The following TANC2 variants were observed in gnomAD, a reference collection of about 807,000 sequenced individuals.
TANC2 encodes protein TANC2.
Under a neutral mutation model 210.5 loss-of-function variants are expected in TANC2, and 26 were observed. The ratio of observed to expected loss-of-function variants is 0.12; its 90% confidence interval spans 0.09 to 0.17. The LOEUF (loss-of-function observed/expected upper bound fraction) is 0.17. Among genes scored for constraint, TANC2 ranks in the 10% least tolerant of loss-of-function variants. The pLI, the probability that TANC2 is intolerant of heterozygous loss-of-function variation, is 1.00. For synonymous variants in TANC2, 931 were observed against 967.1 expected (o/e 0.96, Z 0.69); for missense variants, 2,129 against 2,608.9 (o/e 0.82, Z 4.01).
At chr17:63,090,176 A>G (rs758763565) in intron 3 of TANC2, among the ~76,000 whole-genome samples, 6 of 150,498 alleles carry the variant, frequency 4.0e-5, no homozygotes, top group South Asian at 4.2e-4. Context: ...GCCATGTAGT[A>G]TATAGTCTTT....
At chr17:63,199,228 A>G (rs760914208) in intron 6 of TANC2, among the ~76,000 whole-genome samples, 20 of 152,188 alleles carry the variant, frequency 1.3e-4, no homozygotes, top group Non-Finnish European at 2.4e-4. Flanking sequence ...TTTGTAAAGA[A>G]GTTGAAAGGC....
intron 5 of TANC2, among the ~76,000 whole-genome samples, chr17:63,189,858 G>A (rs1469211332): frequency 6.6e-6 from 1 of 152,112 alleles, no homozygotes; most frequent in African/African-American, 2.4e-5. Flanking sequence ...TTACTACCAT[G>A]TTTTCTTCTA....
At chr17:62,995,638 A>G (rs2033072452) in intron 1 of TANC2, among the ~76,000 whole-genome samples, 2 of 152,232 alleles carry the variant, frequency 1.3e-5, no homozygotes, top group African/African-American at 2.4e-5. Context: ...CAGTGCTTGT[A>G]CTACATACAA....
At chr17:63,352,228 T>C (rs921378248) in intron 13 of TANC2, among the ~76,000 whole-genome samples, 1 of 152,178 alleles carries the variant, frequency 6.6e-6, no homozygotes, top group Non-Finnish European at 1.5e-5. Context: ...TCTCACTATT[T>C]GGATGCAGCC....
intron 4 of TANC2, among the ~76,000 whole-genome samples, chr17:63,106,588 A>C (rs2037832884): frequency 6.6e-6 from 1 of 151,660 alleles, no homozygotes; most frequent in Admixed American, 6.6e-5. Flanking sequence ...CGTGAGGACA[A>C]GGCCCACGCA....
chr17:63,124,321 G>C (rs1466498129), intron 4 of TANC2, among the ~76,000 whole-genome samples: 1 of 152,054 alleles, frequency 6.6e-6, no homozygotes, highest in Non-Finnish European at 1.5e-5. Context: ...CAAATGAGAT[G>C]AATAAGGAGC....
intron 3 of TANC2, among the ~76,000 whole-genome samples, chr17:63,094,480 T>C (rs1184457818): frequency 6.6e-6 from 1 of 152,150 alleles, no homozygotes; most frequent in Admixed American, 6.6e-5. Context: ...AACTGAAAAA[T>C]TCACCAATGA....
At chr17:63,242,759 T>A (rs1377669075) in intron 8 of TANC2, among the ~76,000 whole-genome samples, 1 of 152,148 alleles carries the variant, frequency 6.6e-6, no homozygotes, top group Non-Finnish European at 1.5e-5. Context: ...GGTGAATGGA[T>A]AAACAATTGT....
intron 14 of TANC2, among the ~76,000 whole-genome samples, chr17:63,358,869 G>A (rs1465557360): frequency 6.6e-6 from 1 of 151,740 alleles, no homozygotes; most frequent in Non-Finnish European, 1.5e-5. Flanking sequence ...TATCGCTTTA[G>A]GCTCGCCCTG....
intron 10 of TANC2, among the ~76,000 whole-genome samples, chr17:63,317,147 T>C (rs1482253319): frequency 1.3e-5 from 2 of 152,050 alleles, no homozygotes; most frequent in Non-Finnish European, 2.9e-5. Flanking sequence ...TTTCTCTGCA[T>C]CATCTGTCAT....
At chr17:63,383,825 G>A (rs533604880) in intron 15 of TANC2, among the ~76,000 whole-genome samples, 92 of 152,110 alleles carry the variant, frequency 6.0e-4, no homozygotes, top group African/African-American at 1.9e-3. Context: ...CATTCCCACC[G>A]GCAGCGACTG....
chr17:63,063,759 G>A (rs1448784145), intron 2 of TANC2, among the ~76,000 whole-genome samples: 1 of 151,236 alleles, frequency 6.6e-6, no homozygotes, highest in Non-Finnish European at 1.5e-5. Context: ...CTTGTTCCTG[G>A]GTAGTTGTTT....
chr17:63,056,939 A>G (rs549542278), intron 2 of TANC2, among the ~76,000 whole-genome samples: 13 of 151,526 alleles, frequency 8.6e-5, no homozygotes, highest in Admixed American at 3.9e-4. Context: ...GGAAATGTCT[A>G]TGTTTTATTG....
At chr17:63,318,372 C>T (rs567077476) in intron 10 of TANC2, among the ~76,000 whole-genome samples, 1 of 152,170 alleles carries the variant, frequency 6.6e-6, no homozygotes, top group Non-Finnish European at 1.5e-5. Context: ...CCATTTAAAG[C>T]GTTCAACTCA....
At chr17:63,422,771 G>T (rs2049057433) in exon 28 of TANC2, 1 of 152,152 alleles carries the variant, frequency 6.6e-6, no homozygotes, top group Non-Finnish European at 1.5e-5. Context: ...GCTTTTCCAG[G>T]GTGGGGGAGG....
Position 63,418,333 on chromosome 17 carries a change from T to A in TANC2, c.4194T>A (p.Ala1398=). ...ATTTTGGAATGGCGGAGGAATTTGC[T>A]ACTAAGGCCCTGGAGCTGAAACCGA... is the stretch of plus-strand genomic sequence containing the variant. The change falls in exon 27 of 28, where the codon GCT becomes GCA. Residue 1398 remains alanine (A), a synonymous_variant. Transcript: ENST00000689528. This position sits in a 1 kb window ranked among gnomAD's most constrained non-coding sequence, Gnocchi z 4.6. 1 of 1,613,498 alleles carries A rather than the reference T, an allele frequency of 6.2e-7. No individual in the cohort carries two copies. The highest frequency in any genetic ancestry group is 2.2e-5 in the East Asian group (1 of 44,880).
Position 62,967,274 on chromosome 17 carries a change from G to A in TANC2, c.-24+525G>A, listed in dbSNP as rs182494256. ...GCTAGATATTTTGCCATAGGAAATCGGGAGGAGCTATGATAAGCTATTTTT... is the reference window on the plus strand; with the variant it reads ...GCTAGATATTTTGCCATAGGAAATCAGGAGGAGCTATGATAAGCTATTTTT... On this transcript the variant is annotated intron_variant, in intron 1 of 27. Coordinates refer to ENST00000689528, the Ensembl canonical transcript of TANC2. 1.2e-4 allele frequency: 19 copies of A among 152,278 alleles called. 1 individual carries two copies. The highest frequency in any genetic ancestry group is 1.0e-3 in the Admixed American group (16 of 15,292). The allele number at this position is 152,278 out of a possible 1,614,324, so 9.4% of individuals were successfully genotyped here. A position where few individuals can be genotyped will look rare whatever the true frequency, so the allele number is the denominator to read the frequency against.
intron 4 of TANC2, among the ~76,000 whole-genome samples, chr17:63,119,321 TGTTA>T (rs1296626299): frequency 6.6e-6 from 1 of 152,244 alleles, no homozygotes; most frequent in Non-Finnish European, 1.5e-5. Context: ...AGAAGATTTT[TGTTA>T]TTTTGTCATT....
chr17:63,377,394 C>T (rs2047458441), intron 14 of TANC2, among the ~76,000 whole-genome samples: 1 of 152,148 alleles, frequency 6.6e-6, no homozygotes, highest in Non-Finnish European at 1.5e-5. Context: ...TTAGAAATTT[C>T]TTCCACTAGA....
Sources: allele counts gnomAD v4.1 joint callset (sites outside exome capture counted in the v4.1 genomes callset), GRCh38; gene constraint gnomAD v4.1.1; non-coding constraint Gnocchi (gnomAD v3.1); transcripts MANE v1.5; gene names NCBI Gene and HGNC (gene_info 2026-07-23, HGNC 2026-07-21).